Variants in CD37 observed in about 807,000 individuals in gnomAD.
CD37 encodes CD37 molecule.
In CD37, 37 loss-of-function variants were observed where a neutral mutation model predicts 38.9. The observed-to-expected ratio is 0.95, with a 90% CI of 0.73 to 1.25. The LOEUF is 1.25. Ranked by LOEUF, CD37 falls within the 50% of genes most tolerant of loss-of-function variation. The pLI, the probability that CD37 is intolerant of heterozygous loss-of-function variation, is 0.00. For synonymous variants in CD37, 146 were observed against 150.1 expected (o/e 0.97, Z 0.20); for missense variants, 351 against 360.1 (o/e 0.97, Z 0.20).
chr19:49,335,680 G>A lies in CD37; in HGVS notation c.70-34G>A. ...TAACCCAGCCCTCATCTTCCCCTGT[G>A]GCCCACCCCCGTATCCGCATCTCCT... On this transcript the variant is annotated intron_variant, in intron 1 of 7. Coordinates refer to ENST00000323906, the MANE Select transcript of CD37 (RefSeq NM_001774.3). This position sits in a 1 kb window ranked among gnomAD's most constrained non-coding sequence, Gnocchi z 4.6. 1 of 1,612,362 alleles carries A rather than the reference G, an allele frequency of 6.2e-7. No individual in the cohort carries two copies. Among genetic ancestry groups the A allele is most frequent in the Non-Finnish European group, 8.5e-7 (1 of 1,178,634 alleles).
At chr19:49,337,692 AAG>A (rs755492587) in intron 4 of CD37, 1 of 1,530,466 alleles carries the variant, frequency 6.5e-7, no homozygotes, top group Non-Finnish European at 8.7e-7. Flanking sequence ...ACACGGGAAA[AAG>A]AGAGAACAAG....
rs774202531 is a variant in CD37, at chr19:49,339,380, AGTG to A, written c.737_739del (p.Val246del). On this transcript the variant is annotated inframe_deletion, in exon 7 of 8. Transcript: ENST00000323906. This position sits in a 1 kb window ranked among gnomAD's most constrained non-coding sequence, Gnocchi z 4.5. ...GGCTGCACAACAACCTTATTTCCAT[AGTG>A]GGCATTTGCCTGGGCGTCGGCCTAC... The A allele has an allele frequency of 1.2e-6, 2 of 1,613,958 alleles. No individual in the cohort carries two copies. The highest frequency in any genetic ancestry group is 2.2e-5 in the South Asian group (2 of 91,078).
chr19:49,335,686 C>A lies in CD37; in HGVS notation c.70-28C>A. The stretch of plus-strand genomic sequence containing the variant: ...AGCCCTCATCTTCCCCTGTGGCCCA[C>A]CCCCGTATCCGCATCTCCTCTCCCC... On this transcript the variant is annotated intron_variant, in intron 1 of 7. Coordinates refer to ENST00000323906, the MANE Select transcript of CD37 (RefSeq NM_001774.3). This position sits in a 1 kb window ranked among gnomAD's most constrained non-coding sequence, Gnocchi z 4.6. The A allele has an allele frequency of 6.2e-7, 1 of 1,612,726 alleles. No homozygotes were observed. Among genetic ancestry groups the A allele is most frequent in the Non-Finnish European group, 8.5e-7 (1 of 1,178,844 alleles).
Position 49,338,338 on chromosome 19 carries a change from T to A in CD37, c.447+309T>A. On this transcript the variant is annotated intron_variant, in intron 5 of 7. Transcript: ENST00000323906. This position sits in a 1 kb window ranked among gnomAD's most constrained non-coding sequence, Gnocchi z 5.0. The stretch of plus-strand genomic sequence containing the variant: ...TAGCGAGACACGGCTTCCTACCCCG[T>A]AGTGACTCTGGCTTCCACCGGACCC... 1 of 587,480 alleles carries A rather than the reference T, an allele frequency of 1.7e-6. No individual in the cohort carries two copies. Among genetic ancestry groups the A allele is most frequent in the Non-Finnish European group, 2.8e-6 (1 of 360,960 alleles). The allele number at this position is 587,480 out of a possible 1,614,324, so 36.4% of individuals were successfully genotyped here. A position where few individuals can be genotyped will look rare whatever the true frequency, so the allele number is the denominator to read the frequency against.
Position 49,340,305 on chromosome 19 carries a change from A to C in CD37, c.823A>C (p.Asn275His). The C allele has an allele frequency of 1.2e-6, 2 of 1,613,662 alleles. No homozygotes were observed. The highest frequency in any genetic ancestry group is 1.7e-6 in the Non-Finnish European group (2 of 1,179,804). Residue 275 changes from asparagine (N) to histidine (H), a missense_variant, in exon 8 of 8, where the codon AAC becomes CAC. Asn to His is a moderately conservative substitution (Grantham distance 68). Coordinates refer to ENST00000323906, the MANE Select transcript of CD37 (RefSeq NM_001774.3). ...FLCRNLDHVYNRLARYR is the reference protein window; with the variant it reads ...FLCRNLDHVYHRLARYR Reference sequence around the variant, plus strand: ...GTGCAGAAACCTGGACCACGTCTACAACCGGCTCGCTCGATACCGTTAGGC... The same window carrying C: ...GTGCAGAAACCTGGACCACGTCTACCACCGGCTCGCTCGATACCGTTAGGC...
Position 49,336,889 on chromosome 19 carries a change from A to C in CD37, c.143-20A>C. The C allele has an allele frequency of 6.2e-7, 1 of 1,612,594 alleles. No individual in the cohort carries two copies. The highest frequency in any genetic ancestry group is 8.5e-7 in the Non-Finnish European group (1 of 1,179,262). On this transcript the variant is annotated intron_variant, in intron 2 of 7. Transcript: ENST00000323906. ...GAGCTGTGCCACACAGCTCATCATC[A>C]CTCCCCTCACCTCTCCCAGGCTTGG... is the stretch of plus-strand genomic sequence containing the variant.
At chr19:49,340,140 C>T (rs1173196348) in intron 7 of CD37, 111 bp from the exon 8 acceptor site, 7 of 1,535,202 alleles carry the variant, frequency 4.6e-6, no homozygotes, top group Non-Finnish European at 6.2e-6. Context: ...TCTCCAGCCC[C>T]TTCCCGCCCA....
rs1568551547 is a variant in CD37, at chr19:49,339,319, AC to A, written c.685-10del. 4 of 1,612,124 alleles carry A rather than the reference AC, an allele frequency of 2.5e-6. No individual in the cohort carries two copies. The highest frequency in any genetic ancestry group is 1.7e-4 in the Middle Eastern group (1 of 6,058). ...GAAAGAATCCCTTTAACTTTTCCCTACACCCCCCAGGGCTGCGCGCAGGGCC... is the reference window on the plus strand; with the variant it reads ...GAAAGAATCCCTTTAACTTTTCCCTAACCCCCCAGGGCTGCGCGCAGGGCC... On this transcript the variant is annotated splice_polypyrimidine_tract_variant and intron_variant, in intron 6 of 7. Transcript: ENST00000323906. This position sits in a 1 kb window ranked among gnomAD's most constrained non-coding sequence, Gnocchi z 4.5.
rs778566533 is a variant in CD37 at position 49,339,495 on chromosome 19, T to C, written c.768+82T>C. ...CTTCATTTCGCGTCCTTCGGTTGCC[T>C]GGGAAGGACGAGCTCAGGGCGGAGC... On this transcript the variant is annotated intron_variant, in intron 7 of 7. Transcript: ENST00000323906. The surrounding 1 kb of genome is among the most constrained non-coding windows in gnomAD (Gnocchi z 4.5). 1 of 1,535,500 alleles carries C rather than the reference T, an allele frequency of 6.5e-7. No individual in the cohort carries two copies. The highest frequency in any genetic ancestry group is 8.9e-7 in the Non-Finnish European group (1 of 1,122,238).
At position 49,338,010 on chromosome 19, in the gene CD37, G is replaced by A; in HGVS notation, c.428G>A (p.Trp143Ter). 1 of 1,613,988 alleles carries A rather than the reference G, an allele frequency of 6.2e-7. No individual in the cohort carries two copies. The highest frequency in any genetic ancestry group is 1.1e-5 in the South Asian group (1 of 91,080). Residue 143 changes from tryptophan (W) to a stop codon, truncating the protein, a stop_gained, in exon 5 of 8, where the codon TGG becomes TAG. Transcript: ENST00000323906. LOFTEE classifies it high-confidence loss of function. This position sits in a 1 kb window ranked among gnomAD's most constrained non-coding sequence, Gnocchi z 5.0. ...NPEETAAEES[W>*]DYVQFQLRCC... ...GAGGAGACCGCGGCCGAGGAGAGCTGGGACTATGTGCAGTTCCAGGTAAGC... is the reference window on the plus strand; with the variant it reads ...GAGGAGACCGCGGCCGAGGAGAGCTAGGACTATGTGCAGTTCCAGGTAAGC...
chr19:49,339,037 G>A lies in CD37; in HGVS notation c.684+101G>A. On this transcript the variant is annotated intron_variant, in intron 6 of 7. Transcript: ENST00000323906. The surrounding 1 kb of genome is among the most constrained non-coding windows in gnomAD (Gnocchi z 4.5). ...CGGCCTGAGAAAGGGCGGGGTCTAC[G>A]AGAAAAGGAAAGGTACGGCAGGAGG... The A allele has an allele frequency of 5.0e-6, 5 of 998,506 alleles. No homozygotes were observed. The highest frequency in any genetic ancestry group is 7.6e-6 in the Non-Finnish European group (5 of 655,530). 61.9% of individuals were successfully genotyped at this position (998,506 alleles called of 1,614,324 possible).
intron 4 of CD37, 154 bp downstream of exon 4, chr19:49,337,375 A>T: frequency 1.3e-6 from 1 of 767,688 alleles, no homozygotes; most frequent in Non-Finnish European, 2.1e-6. Flanking sequence ...CACGCCTGTA[A>T]TCCCATAATC....
Position 49,337,031 on chromosome 19 carries a change from C to T in CD37, c.265C>T (p.Leu89=). 6.2e-7 allele frequency: 1 copy of T among 1,613,216 alleles called. No individual in the cohort carries two copies. Among genetic ancestry groups the T allele is most frequent in the Non-Finnish European group, 8.5e-7 (1 of 1,179,462 alleles). ...ALKELRCLLG[L]YFGMLLLLFA... ...CAAGGAGCTCCGCTGCCTCCTGGGC[C>T]TGGTGAGTGCACCATCCCTCTCCGT... The change falls in exon 3 of 8, where the codon CTG becomes TTG. Residue 89 remains leucine, a splice_region_variant and synonymous_variant. Transcript: ENST00000323906.
At chr19:49,337,056 T>C in intron 3 of CD37, 23 bp downstream of exon 3, 1 of 1,613,472 alleles carries the variant, frequency 6.2e-7, no homozygotes, top group Non-Finnish European at 8.5e-7. Flanking sequence ...TCCCTCTCCG[T>C]CCCTAGGAAC....
Position 49,339,406 on chromosome 19 carries a change from T to A in CD37, c.761T>A (p.Leu254Gln). Residue 254 changes from leucine (L) to glutamine (Q), a missense_variant, in exon 7 of 8, where the codon CTA becomes CAA. Coordinates refer to ENST00000323906, the MANE Select transcript of CD37 (RefSeq NM_001774.3). This position sits in a 1 kb window ranked among gnomAD's most constrained non-coding sequence, Gnocchi z 4.5. ...SIVGICLGVGLLELGFMTLSI... is the reference protein window; with the variant it reads ...SIVGICLGVGQLELGFMTLSI... ...GTGGGCATTTGCCTGGGCGTCGGCC[T>A]ACTCGAGGTGATCTGGCCCCGCCCC... 2 of 1,613,754 alleles carry A rather than the reference T, an allele frequency of 1.2e-6. No homozygotes were observed. The highest frequency in any genetic ancestry group is 1.7e-6 in the Non-Finnish European group (2 of 1,179,798).
In CD37 at chr19:49,337,479, G is replaced by A. The variant is rs893581596; in HGVS notation, c.342+258G>A. ...CCATCTATATTTAAAAAAAAAATCC[G>A]GGTGTGATGGTGTGCACCTGGGGTC... On this transcript the variant is annotated intron_variant, in intron 4 of 7. Coordinates refer to ENST00000323906, the MANE Select transcript of CD37 (RefSeq NM_001774.3). The A allele has an allele frequency of 2.8e-5, 17 of 611,726 alleles. No individual in the cohort carries two copies. The East Asian group carries it at 5.1e-4, about 18-fold the overall frequency. The allele number at this position is 611,726 out of a possible 1,614,324, so 37.9% of individuals were successfully genotyped here. A position where few individuals can be genotyped will look rare whatever the true frequency, so the allele number is the denominator to read the frequency against.
rs750363793 is a variant in CD37 at position 49,335,894 on chromosome 19, C to T, written c.142+108C>T. ...GGTGCCCTACTCTGCAGGCAGGCTA[C>T]AGGCTCCCATCCACTGCTCACCGGA... On this transcript the variant is annotated intron_variant, in intron 2 of 7. Transcript: ENST00000323906. The surrounding 1 kb of genome is among the most constrained non-coding windows in gnomAD (Gnocchi z 4.6). 2 of 887,372 alleles carry T rather than the reference C, an allele frequency of 2.3e-6. No homozygotes were observed. Among genetic ancestry groups the T allele is most frequent in the South Asian group, 1.4e-5 (1 of 73,642 alleles). The allele number at this position is 887,372 out of a possible 1,614,324, so 55.0% of individuals were successfully genotyped here.
At position 49,338,955 on chromosome 19, in the gene CD37, C is replaced by A. The variant is rs761343576; in HGVS notation, c.684+19C>A. The A allele has an allele frequency of 9.8e-6, 15 of 1,538,258 alleles. No individual in the cohort carries two copies. Among genetic ancestry groups the A allele is most frequent in the South Asian group, 3.3e-5 (3 of 89,690 alleles). On this transcript the variant is annotated intron_variant, in intron 6 of 7. Coordinates refer to ENST00000323906, the MANE Select transcript of CD37 (RefSeq NM_001774.3). This position sits in a 1 kb window ranked among gnomAD's most constrained non-coding sequence, Gnocchi z 5.0. ...CCGCGAGGTGGGCAGGGGTTCGGAG[C>A]ATAAACCTGTCGAATGGGGCGGGGC...
chr19:49,338,147 C>T lies in CD37; in HGVS notation c.447+118C>T. On this transcript the variant is annotated intron_variant, in intron 5 of 7. Transcript: ENST00000323906. The surrounding 1 kb of genome is among the most constrained non-coding windows in gnomAD (Gnocchi z 5.0). ...CTCTACGATCCTAACACACCCCAAT[C>T]CCTCCCAGGCCCGACGCTCCCCACT... The T allele has an allele frequency of 6.8e-7, 1 of 1,466,864 alleles. No homozygotes were observed. Among genetic ancestry groups the T allele is most frequent in the South Asian group, 1.4e-5 (1 of 71,368 alleles). 90.9% of individuals were successfully genotyped at this position (1,466,864 alleles called of 1,614,324 possible).
Sources: gnomAD v4.1 joint callset for allele counts on GRCh38, gnomAD v4.1.1 for gene constraint, Gnocchi (gnomAD v3.1) non-coding constraint, MANE v1.5 for transcripts, NCBI Gene and HGNC (gene_info 2026-07-23, HGNC 2026-07-21) for gene names.